NCK1: variants seen among roughly 807,000 people sequenced by gnomAD.
The protein encoded by NCK1 is NCK adaptor protein 1, also known as SH2/SH3 adapter protein NCK1.
Under a neutral mutation model 36.6 loss-of-function variants are expected in NCK1, and 19 were observed. The observed-to-expected ratio is 0.52, with a 90% CI of 0.36 to 0.76. The LOEUF (loss-of-function observed/expected upper bound fraction) is 0.76. NCK1 is among the 30% of genes least tolerant of loss of function. The pLI is 0.00. For synonymous variants in NCK1, 165 were observed against 156.0 expected, an observed-to-expected ratio of 1.06 and a Z score of -0.43; for missense variants, 358 against 445.6, an observed-to-expected ratio of 0.80 and a Z score of 1.77.
chr3:136,865,955 C>T (rs1938399353), intron 1 of NCK1, among the ~76,000 whole-genome samples: 1 of 152,124 alleles, frequency 6.6e-6, no homozygotes, highest in African/African-American at 2.4e-5. Context: ...TGATTTTTGC[C>T]AGCCATTTTT....
chr3:136,947,757 A>G (rs1433319), intron 3 of NCK1, among the ~76,000 whole-genome samples: 103,620 of 151,904 alleles, frequency 0.68, 35,632 homozygotes, highest in East Asian at 0.87. Flanking sequence ...TTGAGTTTGT[A>G]GCCTCTCCTT....
intron 1 of NCK1, among the ~76,000 whole-genome samples, chr3:136,881,206 C>T (rs9848867): frequency 0.68 from 103,528 of 151,974 alleles, 35,577 homozygotes; most frequent in East Asian, 0.87. Context: ...TTCACTTACA[C>T]TATTGGCCTC....
chr3:136,867,947 C>T (rs974325947), intron 1 of NCK1, among the ~76,000 whole-genome samples: 12 of 151,238 alleles, frequency 7.9e-5, no homozygotes, highest in African/African-American at 2.2e-4. Context: ...GACAGAGTTT[C>T]GCAGTTTTTG....
At chr3:136,894,866 T>C (rs1939349648) in intron 1 of NCK1, among the ~76,000 whole-genome samples, 1 of 78,134 alleles carries the variant, frequency 1.3e-5, no homozygotes, top group Non-Finnish European at 2.9e-5. Flanking sequence ...AGCTGATTTT[T>C]TTGTTTTGTT....
intron 3 of NCK1, 111 bp from the exon 4 acceptor site, chr3:136,948,148 T>C (rs1412792230): frequency 9.7e-6 from 7 of 718,526 alleles, no homozygotes; most frequent in Non-Finnish European, 1.5e-5. Flanking sequence ...TAATTTACCA[T>C]GGTGCCTAGG....
chr3:136,935,887 T>C (rs1342423630), intron 2 of NCK1, among the ~76,000 whole-genome samples: 1 of 152,190 alleles, frequency 6.6e-6, no homozygotes, highest in Non-Finnish European at 1.5e-5. Context: ...TTTCTGTCTC[T>C]ATGGATTTAC....
intron 1 of NCK1, among the ~76,000 whole-genome samples, chr3:136,926,826 G>A (rs1316584379): frequency 6.6e-6 from 1 of 152,142 alleles, no homozygotes; most frequent in Admixed American, 6.5e-5. Flanking sequence ...TGAACATTGA[G>A]ACATTCTTTA....
At chr3:136,883,335 C>T (rs1218749404) in intron 1 of NCK1, among the ~76,000 whole-genome samples, 2 of 152,166 alleles carry the variant, frequency 1.3e-5, no homozygotes. Flanking sequence ...TTTTCTGTAA[C>T]GTGAGACTTT....
intron 1 of NCK1, among the ~76,000 whole-genome samples, chr3:136,883,502 C>G (rs975024715): frequency 6.6e-6 from 1 of 152,124 alleles, no homozygotes; most frequent in African/African-American, 2.4e-5. Flanking sequence ...CACTCATATT[C>G]TCTGTCCTTT....
At chr3:136,873,413 A>G (rs1938682414) in intron 1 of NCK1, among the ~76,000 whole-genome samples, 1 of 152,144 alleles carries the variant, frequency 6.6e-6, no homozygotes, top group Non-Finnish European at 1.5e-5. Flanking sequence ...CCCCCATCTT[A>G]TCTAGGAAGT....
chr3:136,867,099 T>C (rs1938450867), intron 1 of NCK1, among the ~76,000 whole-genome samples: 1 of 20,820 alleles, frequency 4.8e-5, no homozygotes, highest in African/African-American at 1.7e-4. Context: ...TTTCTTTCTT[T>C]CTTTCTTTCT....
chr3:136,927,271 C>T (rs969100969), intron 1 of NCK1, among the ~76,000 whole-genome samples: 4 of 152,114 alleles, frequency 2.6e-5, no homozygotes, highest in Non-Finnish European at 4.4e-5. Context: ...CAGGCCTGGC[C>T]GTTTTTATTT....
chr3:136,938,221 T>C (rs905256730), intron 2 of NCK1, among the ~76,000 whole-genome samples: 8 of 152,332 alleles, frequency 5.3e-5, no homozygotes, highest in African/African-American at 1.7e-4. Flanking sequence ...TTTTCATATG[T>C]TGAACCACCC....
At chr3:136,888,715 CT>C (rs1181478282) in intron 1 of NCK1, among the ~76,000 whole-genome samples, 1 of 152,110 alleles carries the variant, frequency 6.6e-6, no homozygotes, top group Non-Finnish European at 1.5e-5. Flanking sequence ...GTTGTCACCC[CT>C]AACCTCCCCT....
intron 1 of NCK1, among the ~76,000 whole-genome samples, chr3:136,925,454 A>G (rs1048734507): frequency 1.3e-5 from 2 of 152,200 alleles, no homozygotes; most frequent in African/African-American, 2.4e-5. Context: ...GAAGTATAGT[A>G]CAATATCACA....
chr3:136,886,124 A>T (rs1939067256), intron 1 of NCK1, among the ~76,000 whole-genome samples: 1 of 152,220 alleles, frequency 6.6e-6, no homozygotes, highest in African/African-American at 2.4e-5. Context: ...AAGTCAAATG[A>T]GGGAATACTT....
chr3:136,933,166 A>G (rs1940438772), intron 2 of NCK1, among the ~76,000 whole-genome samples: 1 of 152,226 alleles, frequency 6.6e-6, no homozygotes, highest in South Asian at 2.1e-4. Context: ...AAAACTCTCA[A>G]CACAGTCCAT....
At chr3:136,932,839 G>A (rs1324833115) in intron 2 of NCK1, among the ~76,000 whole-genome samples, 3 of 152,200 alleles carry the variant, frequency 2.0e-5, no homozygotes, top group Non-Finnish European at 2.9e-5. Flanking sequence ...CAGAATTGTA[G>A]TTGACTAAGG....
chr3:136,905,801 T>C (rs1939669329), intron 1 of NCK1, among the ~76,000 whole-genome samples: 1 of 151,684 alleles, frequency 6.6e-6, no homozygotes, highest in African/African-American at 2.4e-5. Context: ...ATTTTTGTAT[T>C]TTTTTTAGAG....
Sources: allele counts gnomAD v4.1 joint callset (sites outside exome capture counted in the v4.1 genomes callset), GRCh38; gene constraint gnomAD v4.1.1; transcripts MANE v1.5; gene names NCBI Gene and HGNC (gene_info 2026-07-23, HGNC 2026-07-21).